TNIP1: variants seen among roughly 807,000 people sequenced by gnomAD.
TNIP1 encodes TNFAIP3 interacting protein 1.
In TNIP1, 22 loss-of-function variants were observed where a neutral mutation model predicts 86.6. The ratio of observed to expected loss-of-function variants is 0.25; its 90% CI spans 0.18 to 0.36. The LOEUF is 0.36. TNIP1 is among the 10% of genes least tolerant of loss of function. The pLI is 1.00. For missense variants in TNIP1, 709 were observed against 820.6 expected (o/e 0.86, Z 1.66); for synonymous variants, 294 against 313.0 (o/e 0.94, Z 0.64).
At chr5:151,086,796 GAA>G (rs1764296220) in intron 1 of TNIP1, among the ~76,000 whole-genome samples, 1 of 152,246 alleles carries the variant, frequency 6.6e-6, no homozygotes, top group African/African-American at 2.4e-5. Flanking sequence ...CAACTAGAGA[GAA>G]AAAGACTGGC....
At chr5:151,069,843 A>C (rs113620860) in intron 1 of TNIP1, among the ~76,000 whole-genome samples, 7,737 of 152,292 alleles carry the variant, frequency 0.051, 309 homozygotes, top group African/African-American at 0.12. Context: ...TGGGCCACAC[A>C]GAAACCGGGT....
intron 6 of TNIP1, among the ~76,000 whole-genome samples, chr5:151,052,585 C>T (rs1459364420): frequency 6.6e-6 from 1 of 152,196 alleles, no homozygotes; most frequent in African/African-American, 2.4e-5. Context: ...CCCCAGCTGA[C>T]TTCTACCCTT....
At chr5:151,075,226 C>G (rs4958882) in intron 1 of TNIP1, among the ~76,000 whole-genome samples, 33,296 of 152,078 alleles carry the variant, frequency 0.22, 5,041 homozygotes, top group African/African-American at 0.44. Context: ...GAAATTTCAA[C>G]TGATTGGAAA....
At chr5:151,081,400 G>T (rs1764014671), upstream of TNIP1, among the ~76,000 whole-genome samples, 1 of 152,056 alleles carries the variant, frequency 6.6e-6, no homozygotes. Context: ...ACACAGGCCA[G>T]AACAGGGAGG....
intron 17 of TNIP1, chr5:151,032,018 T>C (rs1048996484): frequency 4.5e-6 from 2 of 441,696 alleles, no homozygotes; most frequent in Non-Finnish European, 8.1e-6. Flanking sequence ...TTACGCTGTA[T>C]AAGGGCAAGG....
intron 1 of TNIP1, among the ~76,000 whole-genome samples, chr5:151,079,769 T>C (rs1472478802): frequency 6.6e-6 from 1 of 152,234 alleles, no homozygotes; most frequent in Non-Finnish European, 1.5e-5. Flanking sequence ...TTTGTACTAA[T>C]ATTCTACCCT....
Position 151,039,169 on chromosome 5 carries a change from G to A in TNIP1, c.1191C>T (p.Tyr397=), listed in dbSNP as rs775959466. The change falls in exon 12 of 18, where the codon TAC becomes TAT. Residue 397 remains tyrosine, a synonymous_variant. Transcript: ENST00000521591. The stretch of plus-strand genomic sequence containing the variant: ...TGAGTGGGCTCAGCTGATCCTGCAG[G>A]TACTTGACCTTTTGGCGCAGCTCCT... ...EAKELRQKVK[Y]LQDQLSPLTR... is the part of the protein sequence containing the mutation. 4 of 1,613,984 alleles carry A rather than the reference G, an allele frequency of 2.5e-6. No homozygotes were observed. The South Asian group carries it at 4.4e-5, about 18-fold the overall frequency.
At chr5:151,034,933 T>G in intron 15 of TNIP1, 69 bp downstream of exon 15, 1 of 1,566,648 alleles carries the variant, frequency 6.4e-7, no homozygotes, top group South Asian at 1.1e-5. Context: ...ACACTGTGCA[T>G]CCATCAGGCT....
rs377039613 is a variant in TNIP1, at chr5:151,039,081, G to A, written c.1263+16C>T. The A allele has an allele frequency of 2.3e-5, 37 of 1,609,232 alleles. No individual in the cohort carries two copies. The African/African-American group carries it at 2.8e-4, about 12-fold the overall frequency. On this transcript the variant is annotated intron_variant, in intron 12 of 17. Coordinates refer to ENST00000521591, the MANE Select transcript of TNIP1 (RefSeq NM_006058.5). ...TCAAGGGAGCCCAGCCAAGGGACCC[G>A]GGCCAAGGCACCCACCTTGTTGAGC...
chr5:151,057,039 A>G (rs1760761842), intron 5 of TNIP1, 82 bp from the exon 6 acceptor site: 4 of 1,259,042 alleles, frequency 3.2e-6, no homozygotes, highest in Non-Finnish European at 4.1e-6. Context: ...CTGCTTCCTC[A>G]TTTCTCATGA....
In TNIP1 at chr5:151,063,858, C is replaced by A. The variant is rs1389117149; in HGVS notation, c.137-111G>T. The A allele has an allele frequency of 2.2e-6, 3 of 1,367,490 alleles. No individual in the cohort carries two copies. In the African/African-American group the frequency reaches 4.3e-5, roughly 20 times the overall value. 84.7% of individuals were successfully genotyped at this position (1,367,490 alleles called of 1,614,324 possible). ...CCGCCTGGCTTCTGAGGCTCCAGGC[C>A]CTGGACTTCACTCCCACCGTTGCTC... On this transcript the variant is annotated intron_variant, in intron 2 of 17. Transcript: ENST00000521591.
intron 1 of TNIP1, among the ~76,000 whole-genome samples, chr5:151,077,601 G>T (rs927936037): frequency 6.6e-6 from 1 of 152,200 alleles, no homozygotes; most frequent in African/African-American, 2.4e-5. Context: ...CACCTACCCA[G>T]GTCTGCCAAG....
chr5:151,048,616 C>T (rs769955741), intron 8 of TNIP1, among the ~76,000 whole-genome samples: 10 of 152,100 alleles, frequency 6.6e-5, no homozygotes, highest in South Asian at 2.1e-4. Flanking sequence ...GCATCTGGCT[C>T]GGGGCATTCA....
At chr5:151,040,007 A>AG (rs1184976907) in intron 11 of TNIP1, among the ~76,000 whole-genome samples, 3 of 152,198 alleles carry the variant, frequency 2.0e-5, no homozygotes, top group Non-Finnish European at 4.4e-5. Flanking sequence ...ATGTCCAGAG[A>AG]GGGGAAGTGA....
intron 13 of TNIP1, among the ~76,000 whole-genome samples, chr5:151,036,008 G>GAACCAGAT (rs1757653544): frequency 6.6e-6 from 1 of 152,226 alleles, no homozygotes; most frequent in African/African-American, 2.4e-5. Flanking sequence ...GAGACCCACA[G>GAACCAGAT]GGGCAGTGAT....
intron 15 of TNIP1, chr5:151,034,778 C>T (rs376121591): frequency 3.8e-5 from 21 of 558,488 alleles, no homozygotes; most frequent in South Asian, 9.9e-5. Flanking sequence ...CACATGGGCA[C>T]GGAAGGTTGC....
chr5:151,064,929 G>A lies in TNIP1; in HGVS notation c.136+31C>T, dbSNP rs143471708. On this transcript the variant is annotated intron_variant, in intron 2 of 17. Transcript: ENST00000521591. ...GGCATCACAGTCTGCAGGGAGGGGC[G>A]CTCGCAGGGAGGGGACAGGGTCTGC... is the stretch of plus-strand genomic sequence containing the variant. 409 of 1,613,164 alleles carry A rather than the reference G, an allele frequency of 2.5e-4. 2 individuals carry two copies. The East Asian group carries it at 3.4e-3, about 13-fold the overall frequency.
chr5:151,081,616 G>A (rs1333895778), upstream of TNIP1, among the ~76,000 whole-genome samples: 2 of 152,232 alleles, frequency 1.3e-5, no homozygotes, highest in Non-Finnish European at 2.9e-5. Context: ...CTTTGCTCCA[G>A]ACATTGTAGA....
intron 11 of TNIP1, among the ~76,000 whole-genome samples, chr5:151,040,354 G>A (rs867299959): frequency 2.6e-5 from 4 of 152,160 alleles, no homozygotes; most frequent in African/African-American, 9.7e-5. Context: ...ACCAGTCGCA[G>A]GGGTTAGTTT....
Sources: gnomAD v4.1 joint callset for allele counts (sites outside exome capture counted in the v4.1 genomes callset) on GRCh38, gnomAD v4.1.1 for gene constraint, MANE v1.5 for transcripts, NCBI Gene and HGNC (gene_info 2026-07-23, HGNC 2026-07-21) for gene names.